Variants in CYFIP2 observed in about 807,000 individuals in gnomAD.
The protein encoded by CYFIP2 is cytoplasmic FMR1 interacting protein 2.
Under a neutral mutation model 158.7 loss-of-function variants are expected in CYFIP2, and 29 were observed. The ratio of observed to expected loss-of-function variants is 0.18; its 90% CI spans 0.14 to 0.25. CYFIP2 has a LOEUF of 0.25. CYFIP2 is among the 10% of genes least tolerant of loss of function. CYFIP2 has a pLI of 1.00. For synonymous variants in CYFIP2, 585 were observed against 617.6 expected (o/e 0.95, Z 0.78); for missense variants, 852 against 1,639.5 (o/e 0.52, Z 8.29).
At chr5:157,324,403 C>G (rs1344224033) in intron 16 of CYFIP2, among the ~76,000 whole-genome samples, 1 of 152,198 alleles carries the variant, frequency 6.6e-6, no homozygotes, top group Non-Finnish European at 1.5e-5. Context: ...TCAGCCGCAA[C>G]CAAGCGCTAA....
intron 23 of CYFIP2, chr5:157,343,328 G>A (rs758140308): frequency 6.2e-7 from 1 of 1,614,214 alleles, no homozygotes; most frequent in Admixed American, 1.7e-5. Flanking sequence ...GAAGTAGAGA[G>A]TGGAAGGGGC....
At chr5:157,377,044 A>T (rs1295928907) in intron 26 of CYFIP2, 1 of 364,872 alleles carries the variant, frequency 2.7e-6, no homozygotes, top group East Asian at 8.3e-5. Flanking sequence ...TCCAGTCATC[A>T]GGTCTCTGGC....
intron 19 of CYFIP2, among the ~76,000 whole-genome samples, chr5:157,330,224 TGTG>T (rs980260849): frequency 3.3e-4 from 50 of 150,156 alleles, no homozygotes; most frequent in African/African-American, 1.1e-3. Flanking sequence ...CTCATAGGGT[TGTG>T]GTGAGATTTA....
chr5:157,327,579 T>A (rs60149879), intron 18 of CYFIP2, among the ~76,000 whole-genome samples: 18 of 119,096 alleles, frequency 1.5e-4, no homozygotes, highest in East Asian at 7.0e-4. Context: ...AAAAAAAAAA[T>A]TGCAAATCAA....
chr5:157,344,897 A>T (rs1561749757), intron 23 of CYFIP2, among the ~76,000 whole-genome samples: 1 of 152,142 alleles, frequency 6.6e-6, no homozygotes, highest in Non-Finnish European at 1.5e-5. Flanking sequence ...TTCCTCCAGG[A>T]GTGGAGCTGC....
Position 157,359,109 on chromosome 5 carries a change from T to C in CYFIP2, c.2778T>C (p.Ala926=), listed in dbSNP as rs756499212. Residue 926 remains alanine, a synonymous_variant, in exon 24 of 31, where the codon GCT becomes GCC. Coordinates refer to ENST00000620254, the MANE Select transcript of CYFIP2 (RefSeq NM_001037333.3). ...GACTCCTGGGTTATCAGGGCATCGC[T>C]GTGGTCATGGAGGAACTGCTAAAGA... The part of the protein sequence containing the change: ...ICRLLGYQGI[A]VVMEELLKIV... 3 of 1,613,926 alleles carry C rather than the reference T, an allele frequency of 1.9e-6. No individual in the cohort carries two copies. The highest frequency in any genetic ancestry group is 8.5e-7 in the Non-Finnish European group (1 of 1,179,900).
At chr5:157,364,676 A>T (rs1764201013) in intron 26 of CYFIP2, 1 of 152,168 alleles carries the variant, frequency 6.6e-6, no homozygotes, top group Non-Finnish European at 1.5e-5. Context: ...TCTGCTTTCT[A>T]CTTAGACAGC....
intron 16 of CYFIP2, among the ~76,000 whole-genome samples, chr5:157,325,149 C>G (rs893261286): frequency 2.0e-5 from 3 of 152,006 alleles, no homozygotes; most frequent in Admixed American, 2.0e-4. Flanking sequence ...CACGAGCGTA[C>G]TTTTCATGCT....
intron 1 of CYFIP2, among the ~76,000 whole-genome samples, chr5:157,283,708 A>C (rs1379625494): frequency 6.6e-6 from 1 of 152,160 alleles, no homozygotes; most frequent in Non-Finnish European, 1.5e-5. Flanking sequence ...AGTTAGCTGC[A>C]CAGCAGCCAG....
intron 1 of CYFIP2, chr5:157,269,293 G>A (rs1561676137): frequency 6.6e-6 from 1 of 152,084 alleles, no homozygotes; most frequent in East Asian, 1.9e-4. Context: ...GGAGAAGTGG[G>A]AGGGAACAAG....
At chr5:157,337,262 A>G (rs937510716) in intron 21 of CYFIP2, among the ~76,000 whole-genome samples, 6 of 152,198 alleles carry the variant, frequency 3.9e-5, no homozygotes, top group African/African-American at 1.4e-4. Flanking sequence ...CATGGTACAC[A>G]ATGACTGGAA....
chr5:157,323,050 C>G (rs1418438662), intron 15 of CYFIP2: 6 of 1,533,312 alleles, frequency 3.9e-6, no homozygotes, highest in Admixed American at 2.0e-5. Flanking sequence ...GGTTTGGGTA[C>G]CCTTCTCGAG....
At chr5:157,305,263 C>T (rs922837999) in intron 8 of CYFIP2, among the ~76,000 whole-genome samples, 6 of 152,194 alleles carry the variant, frequency 3.9e-5, no homozygotes, top group Non-Finnish European at 1.5e-5. Context: ...TCTGGGTAGA[C>T]ACCCGGTAGT....
chr5:157,273,831 C>T (rs1756311722), intron 1 of CYFIP2, among the ~76,000 whole-genome samples: 1 of 152,094 alleles, frequency 6.6e-6, no homozygotes, highest in South Asian at 2.1e-4. Context: ...GTACAATTCA[C>T]TCATTTAAAA....
At chr5:157,332,931 T>A (rs1761585339) in intron 20 of CYFIP2, among the ~76,000 whole-genome samples, 2 of 152,206 alleles carry the variant, frequency 1.3e-5, no homozygotes, top group African/African-American at 2.4e-5. Flanking sequence ...AAGATGGGGT[T>A]CTTGTCTGTC....
chr5:157,268,100 T>G (rs1006287558), intron 1 of CYFIP2, among the ~76,000 whole-genome samples: 1 of 152,230 alleles, frequency 6.6e-6, no homozygotes, highest in African/African-American at 2.4e-5. Flanking sequence ...TTATTAGACC[T>G]CAAGAAGATA....
At chr5:157,381,431 G>A (rs1766061743) in intron 26 of CYFIP2, among the ~76,000 whole-genome samples, 1 of 151,382 alleles carries the variant, frequency 6.6e-6, no homozygotes, top group African/African-American at 2.4e-5. Flanking sequence ...GGAGGCTGAG[G>A]CAGGAGTAAT....
chr5:157,315,771 A>G (rs1445967655), intron 13 of CYFIP2, among the ~76,000 whole-genome samples: 1 of 152,232 alleles, frequency 6.6e-6, no homozygotes, highest in Non-Finnish European at 1.5e-5. Flanking sequence ...GTTAAGATTC[A>G]GCTATATCAT....
intron 26 of CYFIP2, among the ~76,000 whole-genome samples, chr5:157,368,393 C>T (rs1764635314): frequency 6.6e-6 from 1 of 152,086 alleles, no homozygotes; most frequent in Non-Finnish European, 1.5e-5. Context: ...CTCCATACAC[C>T]CACCTGTGCT....
Sources: gnomAD v4.1 joint callset for allele counts (sites outside exome capture counted in the v4.1 genomes callset) on GRCh38, gnomAD v4.1.1 for gene constraint, MANE v1.5 for transcripts, NCBI Gene and HGNC (gene_info 2026-07-23, HGNC 2026-07-21) for gene names.